Variants in DDX50 observed in about 807,000 individuals in gnomAD.
DDX50 encodes the protein DExD-box helicase 50.
A neutral mutation model predicts 94.8 loss-of-function variants in DDX50; 56 were observed. The ratio of observed to expected loss-of-function variants is 0.59; its 90% confidence interval spans 0.48 to 0.74. The LOEUF (loss-of-function observed/expected upper bound fraction) is 0.74, where lower values mean the gene tolerates loss of function less well. Ranked by LOEUF, DDX50 falls within the 30% of genes least tolerant of loss-of-function variation. The probability of loss-of-function intolerance (pLI) is 0.00; values close to 1 mark genes in which losing one functional copy is unlikely to be tolerated. For missense variants in DDX50, 713 were observed against 881.2 expected (o/e 0.81, Z 2.42); for synonymous variants, 264 against 295.4 (o/e 0.89, Z 1.09).
intron 13 of DDX50, among the ~76,000 whole-genome samples, chr10:68,942,700 G>A (rs1192009931): frequency 5.3e-5 from 8 of 151,468 alleles, no homozygotes; most frequent in Admixed American, 2.6e-4. Context: ...TGCCACCTCC[G>A]CCTCCCAGGC....
At chr10:68,935,821 C>A (rs1842392602) in intron 10 of DDX50, among the ~76,000 whole-genome samples, 185 bp from the exon 11 acceptor site, 1 of 151,942 alleles carries the variant, frequency 6.6e-6, no homozygotes, top group Non-Finnish European at 1.5e-5. Context: ...GGCAACAGAG[C>A]AAGACTCTGT....
intron 1 of DDX50, among the ~76,000 whole-genome samples, chr10:68,902,952 T>TC (rs1841333927): frequency 1.3e-5 from 2 of 152,360 alleles, no homozygotes; most frequent in South Asian, 4.1e-4. Context: ...AGTGACCAAA[T>TC]CTTTATCCAT....
intron 13 of DDX50, 90 bp from the exon 14 acceptor site, chr10:68,943,123 G>A (rs1174148017): frequency 2.7e-6 from 3 of 1,110,104 alleles, no homozygotes; most frequent in African/African-American, 1.6e-5. Flanking sequence ...AATACATTAA[G>A]CAGCCACTGA....
At chr10:68,912,217 T>C (rs1351462251) in intron 4 of DDX50, among the ~76,000 whole-genome samples, 1 of 152,072 alleles carries the variant, frequency 6.6e-6, no homozygotes, top group African/African-American at 2.4e-5. Context: ...TGTTTTGTTT[T>C]TTGTTTTTTT....
chr10:68,931,382 T>TAAA lies in DDX50; in HGVS notation c.1240-2808_1240-2806dup, dbSNP rs530913846. Among the ~76,000 whole-genome samples the TAAA allele has an allele frequency of 2.6e-4, 26 of 100,316 alleles. No individual in the cohort carries two copies. The East Asian group carries it at 3.6e-3, about 14-fold the overall frequency. 65.8% of individuals were successfully genotyped at this position (100,316 alleles called of 152,430 possible). A position where few individuals can be genotyped will look rare whatever the true frequency, so the allele number is the denominator to read the frequency against. On this transcript the variant is annotated intron_variant, in intron 8 of 14. Transcript: ENST00000373585. ...GGCTGGTGGGTGGGTGACGGATCAT[T>TAAA]AAAAAAAAAAATATATATATATATA...
chr10:68,936,488 CAAAA>C (rs1212336346), intron 11 of DDX50, among the ~76,000 whole-genome samples: 2 of 26,824 alleles, frequency 7.5e-5, no homozygotes, highest in Non-Finnish European at 1.4e-4. Context: ...GACTCTGTCT[CAAAA>C]AAAAAAAAAA....
chr10:68,905,560 C>T (rs1841422039), intron 1 of DDX50, among the ~76,000 whole-genome samples: 1 of 152,202 alleles, frequency 6.6e-6, no homozygotes, highest in Middle Eastern at 3.2e-3. Flanking sequence ...GGAAATCCCA[C>T]ATGTGGATCT....
intron 8 of DDX50, among the ~76,000 whole-genome samples, chr10:68,922,400 G>C (rs1281075393): frequency 6.6e-6 from 1 of 152,098 alleles, no homozygotes. Flanking sequence ...GTCTTAATTT[G>C]TGAAAAGTTA....
At position 68,910,273 on chromosome 10, in the gene DDX50, T is replaced by A. The variant is rs185236038; in HGVS notation, c.385-34T>A. On this transcript the variant is annotated intron_variant, in intron 2 of 14. Coordinates refer to ENST00000373585, the MANE Select transcript of DDX50 (RefSeq NM_024045.2). ...ACAGTAAATGAGGAAGAGTTGAGTA[T>A]AAATTATTTAGGCCATTGATTTCAT... The A allele has an allele frequency of 3.0e-4, 456 of 1,511,272 alleles. 5 individuals are homozygous for A. The East Asian group carries it at 8.4e-3, about 28-fold the overall frequency. 93.6% of individuals were successfully genotyped at this position (1,511,272 alleles called of 1,614,324 possible). A position where few individuals can be genotyped will look rare whatever the true frequency, so the allele number is the denominator to read the frequency against.
At chr10:68,920,191 T>TCCAG (rs1440939107) in intron 8 of DDX50, among the ~76,000 whole-genome samples, 2 of 152,194 alleles carry the variant, frequency 1.3e-5, no homozygotes, top group Non-Finnish European at 2.9e-5. Context: ...AGACAGGGTC[T>TCCAG]CCCTCTTATG....
chr10:68,917,953 T>C (rs1026465392), intron 7 of DDX50, among the ~76,000 whole-genome samples: 10 of 151,902 alleles, frequency 6.6e-5, no homozygotes, highest in Non-Finnish European at 1.5e-4. Flanking sequence ...AGATGGAATT[T>C]CACTCTTGTC....
In DDX50 at chr10:68,935,991, C is replaced by G. The variant is rs779922162; in HGVS notation, c.1522-15C>G. ...AGACTTCCATTTTTCTTTAATGTAA[C>G]TCTTTCATTTTCAGGGAATTACTTT... On this transcript the variant is annotated splice_polypyrimidine_tract_variant and intron_variant, in intron 10 of 14. Coordinates refer to ENST00000373585, the MANE Select transcript of DDX50 (RefSeq NM_024045.2). The G allele has an allele frequency of 1.3e-6, 2 of 1,558,952 alleles. No individual in the cohort carries two copies. Among genetic ancestry groups the G allele is most frequent in the African/African-American group, 1.4e-5 (1 of 72,872 alleles).
intron 14 of DDX50, among the ~76,000 whole-genome samples, chr10:68,944,671 C>T (rs764853599): frequency 3.3e-5 from 5 of 152,200 alleles, no homozygotes; most frequent in Admixed American, 6.5e-5. Flanking sequence ...CTCAGCCTCC[C>T]GAGTAGCTGG....
chr10:68,934,777 T>C lies in DDX50; in HGVS notation c.1402-22T>C. ...TGCAACTTGCTAGATTTTTAAAAAATATTACCTTTTATAATCTTTAGGATG... is the reference window on the plus strand; with the variant it reads ...TGCAACTTGCTAGATTTTTAAAAAACATTACCTTTTATAATCTTTAGGATG... On this transcript the variant is annotated intron_variant, in intron 9 of 14. Transcript: ENST00000373585. This position sits in a 1 kb window ranked among gnomAD's most constrained non-coding sequence, Gnocchi z 4.0. 6.4e-7 allele frequency: 1 copy of C among 1,572,270 alleles called. No homozygotes were observed.
intron 3 of DDX50, 48 bp from the exon 4 acceptor site, chr10:68,911,020 C>T (rs5030890): frequency 0.13 from 172,284 of 1,308,062 alleles, 12,277 homozygotes; most frequent in Admixed American, 0.22. Context: ...TATATTTTTT[C>T]CTAATGCTAG....
At position 68,941,123 on chromosome 10, in the gene DDX50, G is replaced by T; in HGVS notation, c.1819G>T (p.Glu607Ter). ...EIQDVSCAWKELNRKLSSNAV... is the reference protein window; with the variant it reads ...EIQDVSCAWK ...ACAGGATGTCAGCTGTGCTTGGAAA[G>T]AACTTAACAGAAAGCTGAGTAGTAA... The change falls in exon 13 of 15, where the codon GAA (glutamate) becomes TAA (stop). Residue 607 changes from glutamate to a stop codon, truncating the protein, a stop_gained. Transcript: ENST00000373585. LOFTEE classifies it high-confidence loss of function. The T allele has an allele frequency of 6.2e-7, 1 of 1,613,028 alleles. No individual in the cohort carries two copies. The highest frequency in any genetic ancestry group is 8.5e-7 in the Non-Finnish European group (1 of 1,179,928).
chr10:68,932,321 G>A (rs959183740), intron 8 of DDX50, among the ~76,000 whole-genome samples: 1 of 152,202 alleles, frequency 6.6e-6, no homozygotes, highest in Non-Finnish European at 1.5e-5. Context: ...GTGCAGTGGA[G>A]CGATTACGGC....
At chr10:68,946,313 A>G (rs1420649274) in intron 14 of DDX50, 39 bp from the exon 15 acceptor site, 7 of 1,556,548 alleles carry the variant, frequency 4.5e-6, no homozygotes, top group Admixed American at 1.9e-5. Flanking sequence ...TATGGTTTCT[A>G]TTTTGCATTT....
intron 3 of DDX50, 74 bp downstream of exon 3, chr10:68,910,456 G>A (rs1202401583): frequency 1.3e-5 from 16 of 1,237,972 alleles, no homozygotes; most frequent in Non-Finnish European, 1.8e-5. Flanking sequence ...AGGCTGGAGT[G>A]CAGTGGGGCA....
Sources: gnomAD v4.1 joint callset for allele counts (sites outside exome capture counted in the v4.1 genomes callset) on GRCh38, gnomAD v4.1.1 for gene constraint, Gnocchi (gnomAD v3.1) non-coding constraint, MANE v1.5 for transcripts, NCBI Gene and HGNC (gene_info 2026-07-23, HGNC 2026-07-21) for gene names.